The following DIP2C variants were observed in gnomAD, a reference collection of about 807,000 sequenced individuals.
The protein encoded by DIP2C is disco-interacting protein 2 homolog C.
A neutral mutation model predicts 192.4 loss-of-function variants in DIP2C; 33 were observed. The observed-to-expected ratio is 0.17, with a 90% CI of 0.13 to 0.23. The LOEUF (loss-of-function observed/expected upper bound fraction) is 0.23. Among genes scored for constraint, DIP2C ranks in the 10% least tolerant of loss-of-function variants. The pLI, the probability that DIP2C is intolerant of heterozygous loss-of-function variation, is 1.00. For synonymous variants in DIP2C, 979 were observed against 864.1 expected (o/e 1.13, Z -2.33); for missense variants, 1,537 against 2,110.1 (o/e 0.73, Z 5.32).
intron 10 of DIP2C, among the ~76,000 whole-genome samples, chr10:398,479 G>A (rs1033398140): frequency 2.6e-5 from 4 of 152,210 alleles, no homozygotes; most frequent in African/African-American, 7.2e-5. Flanking sequence ...ATTGCCTAAT[G>A]TCTCATGTGT....
chr10:566,172 AAC>A (rs1192104343), intron 1 of DIP2C, among the ~76,000 whole-genome samples: 110 of 152,252 alleles, frequency 7.2e-4, no homozygotes, highest in Non-Finnish European at 4.4e-4. Flanking sequence ...TGTCTGAAGA[AAC>A]AATTTTTTGC....
chr10:377,617 G>GC (rs1287149500), intron 17 of DIP2C, among the ~76,000 whole-genome samples: 1 of 152,176 alleles, frequency 6.6e-6, no homozygotes, highest in African/African-American at 2.4e-5. Flanking sequence ...ACTTTTCCGA[G>GC]CAGTGGGAAG....
chr10:329,413 CTG>C lies in DIP2C; in HGVS notation c.3753+18_3753+19del. 1 of 1,604,708 alleles carries C rather than the reference CTG, an allele frequency of 6.2e-7. No homozygotes were observed. Among genetic ancestry groups the C allele is most frequent in the Non-Finnish European group, 8.5e-7 (1 of 1,175,062 alleles). Reference sequence around the variant, plus strand: ...CCCTGTGGGCTCACAGGGCACTGAGCTGCCAAGGGAGCTGCTTACCTTGAGGG... The same window carrying C: ...CCCTGTGGGCTCACAGGGCACTGAGCCCAAGGGAGCTGCTTACCTTGAGGG... On this transcript the variant is annotated intron_variant, in intron 30 of 36. Transcript: ENST00000280886.
At chr10:341,044 C>T (rs1368369493) in intron 29 of DIP2C, 155 bp downstream of exon 29, 2 of 1,076,848 alleles carry the variant, frequency 1.9e-6, no homozygotes, top group Non-Finnish European at 2.8e-6. Context: ...GAGCCAAGTC[C>T]ACCAGGAGAA....
At chr10:527,628 A>G (rs1341859067) in intron 1 of DIP2C, among the ~76,000 whole-genome samples, 3 of 152,344 alleles carry the variant, frequency 2.0e-5, no homozygotes, top group Non-Finnish European at 4.4e-5. Context: ...ACACAGATAT[A>G]AAATCCAGTG....
At chr10:279,589 A>G (rs1954704843) in intron 36 of DIP2C, among the ~76,000 whole-genome samples, 1 of 152,264 alleles carries the variant, frequency 6.6e-6, no homozygotes, top group Non-Finnish European at 1.5e-5. Flanking sequence ...CCCATTCCAC[A>G]GCGCTGGGTG....
chr10:559,960 TCA>T (rs1445537950), intron 1 of DIP2C, among the ~76,000 whole-genome samples: 1 of 150,202 alleles, frequency 6.7e-6, no homozygotes, highest in African/African-American at 2.5e-5. Context: ...GCTCCGGTTC[TCA>T]CCTCTCCCCC....
At chr10:606,454 C>A (rs969538322) in intron 1 of DIP2C, among the ~76,000 whole-genome samples, 29 of 151,664 alleles carry the variant, frequency 1.9e-4, no homozygotes, top group Non-Finnish European at 3.8e-4. Context: ...GGATCTCTCG[C>A]CCCGCTGCGG....
At chr10:593,250 G>A (rs1851505528) in intron 1 of DIP2C, among the ~76,000 whole-genome samples, 1 of 152,040 alleles carries the variant, frequency 6.6e-6, no homozygotes, top group African/African-American at 2.4e-5. Context: ...GTCATCTGGG[G>A]CTCAGCTCTG....
At chr10:616,659 G>A (rs1289939088) in intron 1 of DIP2C, among the ~76,000 whole-genome samples, 1 of 152,214 alleles carries the variant, frequency 6.6e-6, no homozygotes, top group African/African-American at 2.4e-5. Flanking sequence ...AGAGCAGAGT[G>A]CGGGAAGGAC....
chr10:482,898 G>A (rs554175220), intron 2 of DIP2C, among the ~76,000 whole-genome samples: 13 of 152,324 alleles, frequency 8.5e-5, no homozygotes, highest in South Asian at 6.2e-4. Context: ...AGCGAAGTGG[G>A]CAGCTTCCCT....
chr10:573,438 G>A (rs1036708116), intron 1 of DIP2C, among the ~76,000 whole-genome samples: 2 of 152,174 alleles, frequency 1.3e-5, no homozygotes, highest in Admixed American at 6.5e-5. Context: ...GGACAGGGTC[G>A]CCCTCTGTCA....
At chr10:312,712 A>G (rs984738246) in intron 31 of DIP2C, among the ~76,000 whole-genome samples, 3 of 152,188 alleles carry the variant, frequency 2.0e-5, no homozygotes, top group African/African-American at 4.8e-5. Flanking sequence ...ATGTTTGAAA[A>G]AGAGAGGCAG....
intron 1 of DIP2C, among the ~76,000 whole-genome samples, chr10:581,502 C>T (rs1259369237): frequency 6.6e-6 from 1 of 151,974 alleles, no homozygotes; most frequent in Non-Finnish European, 1.5e-5. Flanking sequence ...AGTTGCAATA[C>T]TTAAAAGCCT....
At chr10:600,465 G>T (rs1478929070) in intron 1 of DIP2C, among the ~76,000 whole-genome samples, 1 of 150,382 alleles carries the variant, frequency 6.6e-6, no homozygotes, top group Non-Finnish European at 1.5e-5. Flanking sequence ...CCACCCGACA[G>T]CCCTTTCCAC....
At chr10:286,252 C>G in intron 34 of DIP2C, 21 bp downstream of exon 34, 2 of 1,613,190 alleles carry the variant, frequency 1.2e-6, no homozygotes, top group Non-Finnish European at 1.7e-6. Flanking sequence ...TAACCTGGAT[C>G]TCGGAGGACA....
chr10:458,074 A>G (rs1485598267), intron 3 of DIP2C, among the ~76,000 whole-genome samples: 1 of 152,186 alleles, frequency 6.6e-6, no homozygotes, highest in Non-Finnish European at 1.5e-5. Flanking sequence ...TCATCTTAAC[A>G]CATTTAAATG....
intron 1 of DIP2C, among the ~76,000 whole-genome samples, chr10:618,191 T>G (rs2131819656): frequency 6.6e-6 from 1 of 152,268 alleles, no homozygotes; most frequent in East Asian, 1.9e-4. Flanking sequence ...TAAAGCCTCA[T>G]GCATTTTTCT....
chr10:356,742 AC>A (rs1426105401), intron 23 of DIP2C, among the ~76,000 whole-genome samples: 2 of 152,324 alleles, frequency 1.3e-5, no homozygotes, highest in Admixed American at 1.3e-4. Flanking sequence ...GGTTCACAGC[AC>A]CCGAGTCAGG....
Sources: gnomAD v4.1 joint callset for allele counts (sites outside exome capture counted in the v4.1 genomes callset) on GRCh38, gnomAD v4.1.1 for gene constraint, MANE v1.5 for transcripts, NCBI Gene and HGNC (gene_info 2026-07-23, HGNC 2026-07-21) for gene names.